Variants in DOCK3 observed in about 807,000 individuals in gnomAD.
The protein encoded by DOCK3 is dedicator of cytokinesis protein 3.
In DOCK3, 60 loss-of-function variants were observed where a neutral mutation model predicts 265.6. The observed-to-expected ratio is 0.23, with a 90% confidence interval of 0.18 to 0.28. The LOEUF is 0.28. DOCK3 is among the 10% of genes least tolerant of loss of function. DOCK3 has a pLI of 1.00. For missense variants in DOCK3, 1,981 were observed against 2,594.3 expected (o/e 0.76, Z 5.14); for synonymous variants, 881 against 938.0 (o/e 0.94, Z 1.11).
chr3:50,979,130 T>C (rs951667753), intron 5 of DOCK3, among the ~76,000 whole-genome samples: 3 of 152,188 alleles, frequency 2.0e-5, no homozygotes, highest in Non-Finnish European at 2.9e-5. Context: ...CTGGGAGCTG[T>C]AGACCGGAGC....
intron 21 of DOCK3, among the ~76,000 whole-genome samples, chr3:51,238,862 A>T (rs942325935): frequency 6.6e-6 from 1 of 152,188 alleles, no homozygotes; most frequent in South Asian, 2.1e-4. Flanking sequence ...TCTACCATTG[A>T]TAGGCATTTA....
At chr3:51,203,283 C>G (rs2088940331) in intron 12 of DOCK3, among the ~76,000 whole-genome samples, 1 of 152,004 alleles carries the variant, frequency 6.6e-6, no homozygotes, top group Non-Finnish European at 1.5e-5. Context: ...TGTCTCAGCC[C>G]AAAATCTCCT....
intron 5 of DOCK3, among the ~76,000 whole-genome samples, chr3:50,961,638 G>A (rs1391729427): frequency 1.3e-5 from 2 of 152,106 alleles, no homozygotes; most frequent in Non-Finnish European, 2.9e-5. Flanking sequence ...CAAGGGAGAA[G>A]GTGGTAAATG....
At chr3:51,040,205 G>A (rs2080426620) in intron 5 of DOCK3, among the ~76,000 whole-genome samples, 1 of 73,756 alleles carries the variant, frequency 1.4e-5, no homozygotes, top group African/African-American at 5.9e-5. Context: ...TGTCTGAAAT[G>A]TGCCAGTTTT....
chr3:51,195,734 T>C (rs549562859), intron 12 of DOCK3, among the ~76,000 whole-genome samples: 54 of 151,850 alleles, frequency 3.6e-4, no homozygotes, highest in Non-Finnish European at 6.8e-4. Flanking sequence ...TGTATTTTCA[T>C]CTTGGTAAAT....
At chr3:50,911,582 G>C (rs1394193628) in intron 4 of DOCK3, among the ~76,000 whole-genome samples, 1 of 152,054 alleles carries the variant, frequency 6.6e-6, no homozygotes, top group Non-Finnish European at 1.5e-5. Context: ...TTGAAGTCAG[G>C]TAGTGTGATG....
chr3:51,134,176 A>G (rs1173881621), intron 9 of DOCK3, among the ~76,000 whole-genome samples: 3 of 152,030 alleles, frequency 2.0e-5, no homozygotes, highest in Non-Finnish European at 4.4e-5. Flanking sequence ...TATCCAGTCT[A>G]CCATTGATGG....
At chr3:51,371,029 G>A (rs1302204341) in intron 49 of DOCK3, among the ~76,000 whole-genome samples, 1 of 152,204 alleles carries the variant, frequency 6.6e-6, no homozygotes, top group Admixed American at 6.5e-5. Context: ...AAGAGACCCA[G>A]GAAGAAGCCT....
Position 51,256,663 on chromosome 3 carries a change from G to A in DOCK3, c.2185-3493G>A, listed in dbSNP as rs186474400. 1.2e-3 allele frequency among the ~76,000 whole-genome samples: 181 copies of A among 146,888 alleles called. 1 individual carries two copies. The highest frequency in any genetic ancestry group is 1.8e-3 in the Non-Finnish European group (122 of 67,228). On this transcript the variant is annotated intron_variant, in intron 22 of 52. Coordinates refer to ENST00000266037, the MANE Select transcript of DOCK3 (RefSeq NM_004947.5). ...GGCTGGACTGCAGAGGCACAATCTT[G>A]GCTCACTGCAGCCTCCACCTCCCGT...
At position 50,839,223 on chromosome 3, in the gene DOCK3, A is replaced by G. The variant is rs199717184; in HGVS notation, c.122-2452A>G. Among the ~76,000 whole-genome samples the G allele has an allele frequency of 3.3e-5, 5 of 152,070 alleles. No individual in the cohort carries two copies. In the East Asian group the frequency reaches 9.6e-4, roughly 29 times the overall value. On this transcript the variant is annotated intron_variant, in intron 2 of 52. Coordinates refer to ENST00000266037, the MANE Select transcript of DOCK3 (RefSeq NM_004947.5). ...GATTGGATGTGCCACAGTTTTATTC[A>G]CTCATCTGCTGAAGAGTGACATCTT...
At chr3:51,156,852 G>A (rs2085874072) in intron 10 of DOCK3, among the ~76,000 whole-genome samples, 1 of 152,138 alleles carries the variant, frequency 6.6e-6, no homozygotes, top group African/African-American at 2.4e-5. Flanking sequence ...TGATAGTTTG[G>A]ATGTACACAA....
chr3:51,170,435 A>AT (rs971906427), intron 12 of DOCK3, among the ~76,000 whole-genome samples: 38 of 151,062 alleles, frequency 2.5e-4, no homozygotes, highest in South Asian at 4.2e-4. Flanking sequence ...CTTATTATTG[A>AT]TTTTTTTTTA....
intron 1 of DOCK3, among the ~76,000 whole-genome samples, chr3:50,706,258 C>G (rs541252188): frequency 1.1e-4 from 16 of 152,294 alleles, no homozygotes; most frequent in African/African-American, 3.6e-4. Context: ...ATGTGGGACT[C>G]CCTTATGCAT....
intron 1 of DOCK3, among the ~76,000 whole-genome samples, chr3:50,724,353 C>T (rs1481707287): frequency 6.6e-6 from 1 of 152,100 alleles, no homozygotes; most frequent in Non-Finnish European, 1.5e-5. Context: ...GGTATATACC[C>T]AAAGGATTAT....
chr3:51,245,127 G>A (rs1044041209), intron 21 of DOCK3, among the ~76,000 whole-genome samples: 1 of 152,110 alleles, frequency 6.6e-6, no homozygotes, highest in African/African-American at 2.4e-5. Flanking sequence ...CTAGGAGTTC[G>A]AGACCAGCCT....
At chr3:50,997,821 C>T (rs1349971247) in intron 5 of DOCK3, among the ~76,000 whole-genome samples, 2 of 152,044 alleles carry the variant, frequency 1.3e-5, no homozygotes, top group East Asian at 3.9e-4. Context: ...AATTAAAATC[C>T]CTGCTGTGGC....
At chr3:51,336,021 AAG>A (rs2084846720) in intron 35 of DOCK3, among the ~76,000 whole-genome samples, 1 of 151,976 alleles carries the variant, frequency 6.6e-6, no homozygotes, top group Admixed American at 6.6e-5. Context: ...AGAAAAGAAA[AAG>A]AAAATAGTTG....
At chr3:51,327,512 T>A (rs192588277) in intron 32 of DOCK3, among the ~76,000 whole-genome samples, 71 of 152,324 alleles carry the variant, frequency 4.7e-4, no homozygotes, top group Non-Finnish European at 1.5e-4. Flanking sequence ...TGACAAAATA[T>A]GTTTGAAGAA....
intron 2 of DOCK3, among the ~76,000 whole-genome samples, chr3:50,781,730 A>G (rs576660051): frequency 6.6e-6 from 1 of 152,234 alleles, no homozygotes; most frequent in South Asian, 2.1e-4. Flanking sequence ...TCACCCAGGT[A>G]TTAAGCCTAG....
Sources: allele counts gnomAD v4.1 joint callset (sites outside exome capture counted in the v4.1 genomes callset), GRCh38; gene constraint gnomAD v4.1.1; transcripts MANE v1.5; gene names NCBI Gene and HGNC (gene_info 2026-07-23, HGNC 2026-07-21).